Variants in CAST observed in about 807,000 individuals in gnomAD.
The protein encoded by CAST is calpastatin, also known as MIR583 host.
CAST carries 76 observed loss-of-function variants against 119.6 expected under a neutral mutation model. The ratio of observed to expected loss-of-function variants is 0.64; its 90% CI spans 0.53 to 0.77. The LOEUF (loss-of-function observed/expected upper bound fraction) is 0.77, where lower values mean the gene tolerates loss of function less well. Among genes scored for constraint, CAST ranks in the 30% least tolerant of loss-of-function variants. The pLI is 0.00. For missense variants in CAST, 953 were observed against 946.5 expected (o/e 1.01, Z -0.09); for synonymous variants, 319 against 331.6 (o/e 0.96, Z 0.41).
At chr5:96,650,471 G>C (rs1360802343) in intron 1 of CAST, among the ~76,000 whole-genome samples, 1 of 152,116 alleles carries the variant, frequency 6.6e-6, no homozygotes, top group East Asian at 1.9e-4. Context: ...AGTATAGCCT[G>C]TCTTATCCTG....
At chr5:96,047,387 G>T in the CAST span, among the ~76,000 whole-genome samples, 3 of 152,046 alleles carry the variant, frequency 2.0e-5, no homozygotes, top group African/African-American at 7.2e-5. Context: ...TATTTTTGAA[G>T]TGTTTGTTTT....
the CAST span, chr5:96,393,473 G>T: frequency 1.4e-6 from 2 of 1,394,042 alleles, no homozygotes; most frequent in Non-Finnish European, 2.0e-6. Context: ...GCTGCCTGCC[G>T]CTTGAGAGGC....
the CAST span, among the ~76,000 whole-genome samples, chr5:96,095,241 A>G: frequency 7.2e-5 from 11 of 152,136 alleles, no homozygotes; most frequent in South Asian, 1.5e-3. Flanking sequence ...TTCTCCCCCA[A>G]TTAAGGTTTC....
At chr5:96,725,243 A>C (rs1759044847) in intron 4 of CAST, among the ~76,000 whole-genome samples, 1 of 152,220 alleles carries the variant, frequency 6.6e-6, no homozygotes. Context: ...GATATTGGAC[A>C]ATCTCTTTTT....
chr5:96,266,014 A>C, the CAST span, among the ~76,000 whole-genome samples: 4 of 152,184 alleles, frequency 2.6e-5, no homozygotes, highest in Non-Finnish European at 5.9e-5. Context: ...GTCTCCTGAG[A>C]GTAAAGGAGT....
Position 96,743,458 on chromosome 5 carries a change from A to G in CAST, c.1200+702A>G, listed in dbSNP as rs530857474. On this transcript the variant is annotated intron_variant, in intron 16 of 31. Coordinates refer to ENST00000675179, the MANE Select transcript of CAST (RefSeq NM_001750.7). ...TGGGGAGATGGAAAGGTAGCCTGGG[A>G]TCCCCAGGAGCCCGCCCCACCTCCA... is the stretch of plus-strand genomic sequence containing the variant. The G allele has an allele frequency of 3.9e-3, 3,142 of 815,328 alleles. 17 individuals are homozygous for G. Among genetic ancestry groups the G allele is most frequent in the Non-Finnish European group, 4.6e-3 (2,511 of 541,618 alleles). The allele number at this position is 815,328 out of a possible 1,614,324, so 50.5% of individuals were successfully genotyped here.
At chr5:96,590,798 G>C (rs1048727442) in intron 1 of CAST, among the ~76,000 whole-genome samples, 2 of 152,110 alleles carry the variant, frequency 1.3e-5, no homozygotes, top group African/African-American at 4.8e-5. Context: ...TGGAAAAATA[G>C]TTCTTGGCTG....
At chr5:95,986,883 T>A in the CAST span, among the ~76,000 whole-genome samples, 3 of 152,192 alleles carry the variant, frequency 2.0e-5, no homozygotes, top group South Asian at 6.2e-4. Flanking sequence ...ATATCCATTG[T>A]AAGTAACCTT....
the CAST span, among the ~76,000 whole-genome samples, chr5:96,412,750 A>ATT: frequency 1.6e-5 from 1 of 63,386 alleles, no homozygotes; most frequent in African/African-American, 7.9e-5. Flanking sequence ...GGCAGCTGTG[A>ATT]TGTTTTTTTT....
chr5:96,332,780 G>C, the CAST span, among the ~76,000 whole-genome samples: 7 of 152,300 alleles, frequency 4.6e-5, no homozygotes, highest in South Asian at 1.5e-3. Flanking sequence ...CTGCCGAGCT[G>C]TCCCACGCCT....
chr5:96,640,324 G>C (rs887849003), intron 1 of CAST, among the ~76,000 whole-genome samples: 1 of 152,132 alleles, frequency 6.6e-6, no homozygotes, highest in African/African-American at 2.4e-5. Context: ...GATGGACAAA[G>C]GAAGAAGAGA....
upstream of CAST, among the ~76,000 whole-genome samples, chr5:96,523,475 C>A (rs1376528498): frequency 6.6e-6 from 1 of 152,180 alleles, no homozygotes; most frequent in African/African-American, 2.4e-5. Context: ...CCCCACTTGC[C>A]CCAGTGACCA....
chr5:96,318,990 G>A, the CAST span: 1 of 152,170 alleles, frequency 6.6e-6, no homozygotes, highest in Non-Finnish European at 1.5e-5. Context: ...CTAAGACTGG[G>A]TAATTTATAA....
chr5:96,138,474 T>C, the CAST span, among the ~76,000 whole-genome samples: 2 of 152,010 alleles, frequency 1.3e-5, no homozygotes, highest in African/African-American at 4.8e-5. Context: ...TGCCTTACCA[T>C]ATACACTGTA....
At chr5:96,493,467 A>G in the CAST span, among the ~76,000 whole-genome samples, 1 of 151,944 alleles carries the variant, frequency 6.6e-6, no homozygotes, top group South Asian at 2.1e-4. Flanking sequence ...TTAAATTGCA[A>G]CTCCCCAGTT....
At chr5:96,365,151 T>G in the CAST span, among the ~76,000 whole-genome samples, 1 of 152,238 alleles carries the variant, frequency 6.6e-6, no homozygotes, top group East Asian at 1.9e-4. Context: ...AGTTTCTTAA[T>G]CCTGAGTTCT....
the CAST span, among the ~76,000 whole-genome samples, chr5:96,346,087 G>A: frequency 6.6e-6 from 1 of 152,168 alleles, no homozygotes; most frequent in African/African-American, 2.4e-5. Context: ...TTGCATTTGG[G>A]TGGTGCCAGT....
the CAST span, among the ~76,000 whole-genome samples, chr5:96,351,698 G>GA: frequency 2.6e-5 from 4 of 152,030 alleles, no homozygotes; most frequent in African/African-American, 9.7e-5. Context: ...GGTGTAATGA[G>GA]AAAAAACTGT....
the CAST span, among the ~76,000 whole-genome samples, chr5:96,429,803 G>A: frequency 6.6e-6 from 1 of 152,140 alleles, no homozygotes; most frequent in South Asian, 2.1e-4. Flanking sequence ...GTCTTAAGAT[G>A]ACCCTCAGAA....
Sources: gnomAD v4.1 joint callset for allele counts (sites outside exome capture counted in the v4.1 genomes callset) on GRCh38, gnomAD v4.1.1 for gene constraint, MANE v1.5 for transcripts, NCBI Gene and HGNC (gene_info 2026-07-23, HGNC 2026-07-21) for gene names.